The following DPY19L3 variants were observed in gnomAD, a reference collection of about 807,000 sequenced individuals.
DPY19L3 encodes the protein protein C-mannosyl-transferase DPY19L3.
In DPY19L3, 51 loss-of-function variants were observed where a neutral mutation model predicts 92.3. The observed-to-expected ratio is 0.55, with a 90% confidence interval of 0.44 to 0.70. DPY19L3 has a LOEUF of 0.70. Among genes scored for constraint, DPY19L3 ranks in the 30% least tolerant of loss-of-function variants. The pLI is 0.00. For missense variants in DPY19L3, 706 were observed against 855.9 expected (o/e 0.82, Z 2.18); for synonymous variants, 309 against 315.2 (o/e 0.98, Z 0.21).
chr19:32,478,449 A>G (rs926481132), intron 17 of DPY19L3, among the ~76,000 whole-genome samples: 1 of 152,242 alleles, frequency 6.6e-6, no homozygotes, highest in Non-Finnish European at 1.5e-5. Context: ...GTTTTTTAAT[A>G]GATAATAATA....
At chr19:32,451,225 C>T (rs1040524732) in intron 8 of DPY19L3, among the ~76,000 whole-genome samples, 3 of 152,142 alleles carry the variant, frequency 2.0e-5, no homozygotes, top group African/African-American at 7.2e-5. Context: ...ACAGAATAGT[C>T]ACTGATGTGA....
At chr19:32,447,902 A>G (rs757018917) in intron 8 of DPY19L3, among the ~76,000 whole-genome samples, 1 of 152,132 alleles carries the variant, frequency 6.6e-6, no homozygotes, top group Non-Finnish European at 1.5e-5. Context: ...AACCTTCTCC[A>G]TAATTACCTT....
Position 32,463,413 on chromosome 19 carries a change from T to C in DPY19L3, c.1370T>C (p.Val457Ala), listed in dbSNP as rs559501499. The C allele has an allele frequency of 3.7e-6, 6 of 1,613,888 alleles. No individual in the cohort carries two copies. Among genetic ancestry groups the C allele is most frequent in the African/African-American group, 1.3e-5 (1 of 75,062 alleles). The change falls in exon 13 of 19, where the codon GTT (valine) becomes GCT (alanine). Residue 457 changes from valine (V) to alanine (A), a missense_variant. By Grantham distance (64) the Val-to-Ala change is moderately conservative (BLOSUM62 0). Transcript: ENST00000392250. ...GTGGGTAAAATGGAAAAAGGCACAG[T>C]TGACCTGAAACCAGAAACTGCCTAC... ...QSVGKMEKGTVDLKPETAYNL... is the reference protein window; with the variant it reads ...QSVGKMEKGTADLKPETAYNL...
intron 4 of DPY19L3, among the ~76,000 whole-genome samples, chr19:32,434,999 C>G (rs1292992394): frequency 1.3e-5 from 2 of 152,222 alleles, no homozygotes; most frequent in African/African-American, 4.8e-5. Flanking sequence ...ATACCACAGA[C>G]TGCGTGGCTT....
At chr19:32,474,977 C>T (rs1055299551) in intron 16 of DPY19L3, among the ~76,000 whole-genome samples, 4 of 152,150 alleles carry the variant, frequency 2.6e-5, no homozygotes, top group African/African-American at 7.2e-5. Context: ...GAATAAAGAA[C>T]GTTATAACTC....
At chr19:32,474,942 T>C (rs1358133941) in intron 16 of DPY19L3, among the ~76,000 whole-genome samples, 18 of 152,188 alleles carry the variant, frequency 1.2e-4, no homozygotes, top group Admixed American at 1.2e-3. Flanking sequence ...GCCCAGCACG[T>C]AATAGACCCT....
chr19:32,424,630 A>G (rs1968695609), intron 3 of DPY19L3, among the ~76,000 whole-genome samples: 1 of 152,172 alleles, frequency 6.6e-6, no homozygotes, highest in Admixed American at 6.5e-5. Context: ...AACCTGTCTC[A>G]AAAACAAAAA....
In DPY19L3 at chr19:32,482,916, G is replaced by A. The variant is rs1800452533; in HGVS notation, c.*676G>A. On this transcript the variant is annotated 3_prime_UTR_variant, in exon 19 of 19. Coordinates refer to ENST00000392250, the MANE Select transcript of DPY19L3 (RefSeq NM_001172774.2). ...CACATGTGTTTTAATGCTGGGCACA[G>A]AAAAGTGTTACAAGTTCCATATCGT... is the stretch of plus-strand genomic sequence containing the variant. The A allele has an allele frequency of 6.6e-6, 1 of 152,202 alleles. No homozygotes were observed. Among genetic ancestry groups the A allele is most frequent in the South Asian group, 2.1e-4 (1 of 4,836 alleles). 9.4% of individuals were successfully genotyped at this position (152,202 alleles called of 1,614,324 possible).
At chr19:32,478,030 T>A (rs1970564057) in intron 17 of DPY19L3, among the ~76,000 whole-genome samples, 1 of 152,128 alleles carries the variant, frequency 6.6e-6, no homozygotes, top group African/African-American at 2.4e-5. Flanking sequence ...CGGGAAAGAC[T>A]TGCCCCCATG....
intron 5 of DPY19L3, 110 bp from the exon 6 acceptor site, chr19:32,437,084 G>A (rs1391236329): frequency 1.5e-6 from 2 of 1,325,352 alleles, no homozygotes; most frequent in Non-Finnish European, 2.1e-6. Flanking sequence ...CTTGCTGCTT[G>A]GAATTAGAGG....
At chr19:32,430,234 C>T (rs1385996445) in intron 3 of DPY19L3, among the ~76,000 whole-genome samples, 1 of 152,000 alleles carries the variant, frequency 6.6e-6, no homozygotes, top group East Asian at 1.9e-4. Context: ...ACAAAAAATA[C>T]AGAAATTAGG....
chr19:32,411,402 T>A, intron 3 of DPY19L3, 30 bp downstream of exon 3: 1 of 1,612,792 alleles, frequency 6.2e-7, no homozygotes, highest in Non-Finnish European at 8.5e-7. Context: ...ATTGTATCAT[T>A]CACTCAGTGG....
Position 32,413,174 on chromosome 19 carries a change from C to A in DPY19L3, c.237+1802C>A, listed in dbSNP as rs553412001. The A allele has an allele frequency of 1.2e-4, 18 of 152,264 alleles. No individual in the cohort carries two copies. In the South Asian group the frequency reaches 1.2e-3, roughly 11 times the overall value. 9.4% of individuals were successfully genotyped at this position (152,264 alleles called of 1,614,324 possible). ...AGTTGCTTGTAAAAATAAACAAACACCTTCAAAGCCAAAGATGTGTATCTA... is the reference window on the plus strand; with the variant it reads ...AGTTGCTTGTAAAAATAAACAAACAACTTCAAAGCCAAAGATGTGTATCTA... On this transcript the variant is annotated intron_variant, in intron 3 of 18. Coordinates refer to ENST00000392250, the MANE Select transcript of DPY19L3 (RefSeq NM_001172774.2).
intron 2 of DPY19L3, among the ~76,000 whole-genome samples, 185 bp from the exon 3 acceptor site, chr19:32,411,054 G>A (rs527795470): frequency 1.9e-4 from 29 of 152,298 alleles, no homozygotes; most frequent in Admixed American, 1.3e-3. Context: ...AGTTAGATAC[G>A]GGGTAACAGT....
chr19:32,415,002 C>G (rs1968330707), intron 3 of DPY19L3, among the ~76,000 whole-genome samples: 4 of 152,170 alleles, frequency 2.6e-5, no homozygotes, highest in African/African-American at 9.7e-5. Flanking sequence ...ACAAAGATTT[C>G]TGAATTTACC....
At chr19:32,476,018 T>G (rs994117896) in intron 16 of DPY19L3, among the ~76,000 whole-genome samples, 1 of 152,234 alleles carries the variant, frequency 6.6e-6, no homozygotes, top group Non-Finnish European at 1.5e-5. Context: ...TGCAAGTGAA[T>G]GAGAGTGTCA....
intron 12 of DPY19L3, among the ~76,000 whole-genome samples, chr19:32,462,895 T>G (rs1970083042): frequency 1.3e-5 from 2 of 152,216 alleles, no homozygotes; most frequent in African/African-American, 4.8e-5. Flanking sequence ...AAGTCATCTT[T>G]TGGATATCAG....
intron 8 of DPY19L3, among the ~76,000 whole-genome samples, chr19:32,440,189 T>G (rs1240602457): frequency 6.6e-6 from 1 of 152,252 alleles, no homozygotes; most frequent in African/African-American, 2.4e-5. Flanking sequence ...ACTTAAATTT[T>G]AAAATATAAG....
At chr19:32,408,460 A>G (rs758646066) in intron 2 of DPY19L3, 104 bp downstream of exon 2, 45 of 732,408 alleles carry the variant, frequency 6.1e-5, no homozygotes, top group Non-Finnish European at 8.7e-5. Context: ...TAACAATTGA[A>G]ACTTGTTGTA....
Sources: allele counts gnomAD v4.1 joint callset (sites outside exome capture counted in the v4.1 genomes callset), GRCh38; gene constraint gnomAD v4.1.1; transcripts MANE v1.5; gene names NCBI Gene and HGNC (gene_info 2026-07-23, HGNC 2026-07-21).